Variants in FAM20C observed in about 807,000 individuals in gnomAD.
The protein encoded by FAM20C is FAM20C golgi associated secretory pathway kinase.
A neutral mutation model predicts 51.5 loss-of-function variants in FAM20C; 40 were observed. That is an observed-to-expected ratio of 0.78 (90% CI 0.60 to 1.01). The LOEUF (loss-of-function observed/expected upper bound fraction) is 1.01. Ranked by LOEUF, FAM20C falls within the 50% of genes least tolerant of loss-of-function variation. FAM20C has a pLI of 0.00. For missense variants in FAM20C, 861 were observed against 844.7 expected (o/e 1.02, Z -0.24); for synonymous variants, 406 against 380.6 (o/e 1.07, Z -0.78).
At chr7:259,518 C>CTG (rs1788790810) in intron 9 of FAM20C, among the ~76,000 whole-genome samples, 13 of 134,036 alleles carry the variant, frequency 9.7e-5, no homozygotes, top group African/African-American at 4.4e-4. Flanking sequence ...GTCTGTCTGT[C>CTG]TCTGTCTGTC....
intron 3 of FAM20C, among the ~76,000 whole-genome samples, chr7:210,315 G>T (rs189183132): frequency 1.3e-5 from 2 of 152,164 alleles, no homozygotes; most frequent in Non-Finnish European, 2.9e-5. Context: ...CCTCTGCCCC[G>T]GTTGAGGAGG....
intron 3 of FAM20C, among the ~76,000 whole-genome samples, chr7:231,498 C>T (rs917793000): frequency 1.1e-4 from 16 of 140,880 alleles, no homozygotes; most frequent in African/African-American, 2.7e-4. Context: ...GTCCCGGCGT[C>T]GAGGGCCCCG....
chr7:247,813 C>T (rs969637419), intron 4 of FAM20C, among the ~76,000 whole-genome samples: 16 of 152,312 alleles, frequency 1.1e-4, no homozygotes, highest in South Asian at 4.1e-4. Context: ...GAGGCGTGGT[C>T]GGGCCTTGGG....
chr7:257,788 C>T (rs987143031), intron 8 of FAM20C, among the ~76,000 whole-genome samples: 175 of 130,710 alleles, frequency 1.3e-3, no homozygotes, highest in African/African-American at 4.8e-3. Context: ...GCCCGGGGTG[C>T]TGGAGATGGG....
intron 3 of FAM20C, among the ~76,000 whole-genome samples, chr7:242,587 G>A (rs1284921993): frequency 6.6e-6 from 1 of 152,120 alleles, no homozygotes; most frequent in Non-Finnish European, 1.5e-5. Flanking sequence ...GGAGCGGGAT[G>A]GACAGTGGGC....
At chr7:259,545 T>A (rs1788794261) in intron 9 of FAM20C, among the ~76,000 whole-genome samples, 186 bp from the exon 10 acceptor site, 1 of 152,190 alleles carries the variant, frequency 6.6e-6, no homozygotes, top group African/African-American at 2.4e-5. Context: ...TCTCTCTCCC[T>A]CTCTTTCTCT....
At chr7:250,029 G>A (rs1191374478) in intron 5 of FAM20C, among the ~76,000 whole-genome samples, 3 of 152,314 alleles carry the variant, frequency 2.0e-5, no homozygotes, top group East Asian at 1.9e-4. Context: ...GGGGCCCTCC[G>A]GATCGGAGGC....
At chr7:250,460 C>T (rs1788352811) in intron 5 of FAM20C, among the ~76,000 whole-genome samples, 1 of 152,196 alleles carries the variant, frequency 6.6e-6, no homozygotes, top group Admixed American at 6.5e-5. Flanking sequence ...GCGTGGGGGT[C>T]TTTGAGGGCT....
chr7:233,729 C>T (rs1262437858), intron 3 of FAM20C, among the ~76,000 whole-genome samples: 2 of 152,206 alleles, frequency 1.3e-5, no homozygotes, highest in African/African-American at 4.8e-5. Flanking sequence ...CTGCACTGTG[C>T]CTCCCGCCAC....
At chr7:200,575 G>C (rs573295747) in intron 2 of FAM20C, among the ~76,000 whole-genome samples, 23 of 152,368 alleles carry the variant, frequency 1.5e-4, no homozygotes, top group African/African-American at 5.5e-4. Flanking sequence ...GTGCCCCGAT[G>C]CGCACCTGCC....
At chr7:200,754 A>C (rs1380164455) in intron 2 of FAM20C, among the ~76,000 whole-genome samples, 1 of 152,182 alleles carries the variant, frequency 6.6e-6, no homozygotes, top group Non-Finnish European at 1.5e-5. Context: ...TGTGTGATGG[A>C]CGGGACTTTG....
At position 218,813 on chromosome 7, in the gene FAM20C, G is replaced by A. The variant is rs544585285; in HGVS notation, c.863+9837G>A. Among the ~76,000 whole-genome samples the A allele has an allele frequency of 2.0e-3, 309 of 151,854 alleles. 2 individuals are homozygous for A. The highest frequency in any genetic ancestry group is 7.1e-3 in the African/African-American group (295 of 41,360). ...CCGGGAGCTGACACGGGCCCAGGACGCACAGATCACTCCGGTCCGGCCGGG... is the reference window on the plus strand; with the variant it reads ...CCGGGAGCTGACACGGGCCCAGGACACACAGATCACTCCGGTCCGGCCGGG... On this transcript the variant is annotated intron_variant, in intron 3 of 9. Transcript: ENST00000313766.
At chr7:195,047 CCT>C (rs1398493206) in intron 1 of FAM20C, among the ~76,000 whole-genome samples, 1 of 152,202 alleles carries the variant, frequency 6.6e-6, no homozygotes, top group Non-Finnish European at 1.5e-5. Flanking sequence ...TCAAATTTAG[CCT>C]CTTGCATCAT....
chr7:248,337 C>T lies in FAM20C; in HGVS notation c.979C>T (p.Pro327Ser). Residue 327 changes from proline to serine, a missense_variant, in exon 5 of 10, where the codon CCT becomes TCT. Pro to Ser is a moderately conservative substitution (Grantham distance 74). Transcript: ENST00000313766. Reference sequence around the variant, plus strand: ...CAGGATCCTGGACTTCCGCCGGGTCCCTCCCGTGGCCGGCAGGATGGTCAA... The same window carrying T: ...CAGGATCCTGGACTTCCGCCGGGTCTCTCCCGTGGCCGGCAGGATGGTCAA... ...LDRILDFRRV[P>S]PVAGRMVNMT... The T allele has an allele frequency of 6.5e-7, 1 of 1,537,072 alleles. No homozygotes were observed. The highest frequency in any genetic ancestry group is 8.7e-7 in the Non-Finnish European group (1 of 1,146,844).
chr7:217,842 C>T (rs1020975244), intron 3 of FAM20C, among the ~76,000 whole-genome samples: 2 of 152,132 alleles, frequency 1.3e-5, no homozygotes, highest in South Asian at 2.1e-4. Flanking sequence ...TGGGGCTGGC[C>T]GTAACGGCCA....
intron 3 of FAM20C, among the ~76,000 whole-genome samples, chr7:216,580 C>T (rs1010803876): frequency 6.6e-6 from 1 of 151,788 alleles, no homozygotes; most frequent in Non-Finnish European, 1.5e-5. Context: ...ACCTGCCCTC[C>T]CTGCTCTTTC....
chr7:232,938 C>A (rs1249022372), intron 3 of FAM20C, among the ~76,000 whole-genome samples: 1 of 152,244 alleles, frequency 6.6e-6, no homozygotes, highest in East Asian at 1.9e-4. Context: ...CCTGCAGCCC[C>A]AGCCTTCCTG....
chr7:201,116 G>T (rs1389794830), intron 2 of FAM20C, among the ~76,000 whole-genome samples: 1 of 152,202 alleles, frequency 6.6e-6, no homozygotes, highest in Non-Finnish European at 1.5e-5. Context: ...CCACATCTGA[G>T]CCCTCTTTGG....
At position 224,197 on chromosome 7, in the gene FAM20C, G is replaced by GC. The variant is rs528342507; in HGVS notation, c.863+15221_863+15222insC. ...CGGAGCAGAACGGCACCGTCACGGGGTCGCACGGCGGCTGTCCCCTGAGCC... is the reference window on the plus strand; with the variant it reads ...CGGAGCAGAACGGCACCGTCACGGGGCTCGCACGGCGGCTGTCCCCTGAGCC... On this transcript the variant is annotated intron_variant, in intron 3 of 9. Transcript: ENST00000313766. Among the ~76,000 whole-genome samples the GC allele has an allele frequency of 8.2e-3, 1,080 of 132,236 alleles. 1 individual carries two copies. The highest frequency in any genetic ancestry group is 0.018 in the Middle Eastern group (4 of 222). The allele number at this position is 132,236 out of a possible 152,430, so 86.8% of individuals were successfully genotyped here.
Sources: allele counts gnomAD v4.1 joint callset (sites outside exome capture counted in the v4.1 genomes callset), GRCh38; gene constraint gnomAD v4.1.1; transcripts MANE v1.5; gene names NCBI Gene and HGNC (gene_info 2026-07-23, HGNC 2026-07-21).